LNPEP: variants seen among roughly 807,000 people sequenced by gnomAD.
LNPEP encodes the protein leucyl-cystinyl aminopeptidase.
In LNPEP, 64 loss-of-function variants were observed where a neutral mutation model predicts 120.6. The observed-to-expected ratio is 0.53, with a 90% CI of 0.43 to 0.65. The LOEUF is 0.65. Among genes scored for constraint, LNPEP ranks in the 30% least tolerant of loss-of-function variants. The pLI is 0.00. For missense variants in LNPEP, 1,057 were observed against 1,200.0 expected, an observed-to-expected ratio of 0.88 and a Z score of 1.76; for synonymous variants, 435 against 425.4, an observed-to-expected ratio of 1.02 and a Z score of -0.28.
Position 97,026,332 on chromosome 5 carries a change from T to G in LNPEP, c.2724-285T>G, listed in dbSNP as rs1017401735. Among the ~76,000 whole-genome samples the G allele has an allele frequency of 8.5e-5, 13 of 152,200 alleles. 1 individual carries two copies. The highest frequency in any genetic ancestry group is 7.9e-4 in the Admixed American group (12 of 15,286). On this transcript the variant is annotated intron_variant, in intron 15 of 17. Transcript: ENST00000231368. The stretch of plus-strand genomic sequence containing the variant: ...AGAAAAAAATACCCACCTCCCGAAT[T>G]GTAATAAATTCTACCAGAACTTATT...
Position 97,003,449 on chromosome 5 carries a change from T to C in LNPEP, c.1688T>C (p.Leu563Pro). ...CTCTTGTTGATGTTGAAAACTTACC[T>C]TAGTGAAGATGTGTTTCAACATGCT... ...SSLLLMLKTY[L>P]SEDVFQHAVV... The change falls in exon 9 of 18, where the codon CTT becomes CCT. Residue 563 changes from leucine to proline, a missense_variant. Physicochemically the swap from Leu to Pro is moderately conservative, Grantham distance 98. Coordinates refer to ENST00000231368, the MANE Select transcript of LNPEP (RefSeq NM_005575.3). 1 of 1,592,318 alleles carries C rather than the reference T, an allele frequency of 6.3e-7. No individual in the cohort carries two copies. The highest frequency in any genetic ancestry group is 8.6e-7 in the Non-Finnish European group (1 of 1,165,398).
intron 15 of LNPEP, among the ~76,000 whole-genome samples, chr5:97,025,336 T>A (rs1316674175): frequency 2.0e-5 from 3 of 152,244 alleles, no homozygotes; most frequent in African/African-American, 7.2e-5. Context: ...TGTATGATTT[T>A]GCTCAGATAA....
At chr5:97,006,963 C>T (rs1023082021) in intron 11 of LNPEP, among the ~76,000 whole-genome samples, 3 of 151,916 alleles carry the variant, frequency 2.0e-5, no homozygotes, top group Non-Finnish European at 4.4e-5. Flanking sequence ...GCCCTGCAGA[C>T]ATAGTATATG....
intron 1 of LNPEP, among the ~76,000 whole-genome samples, chr5:96,953,000 T>C (rs942033672): frequency 6.6e-6 from 1 of 152,226 alleles, no homozygotes. Context: ...TCTAGACCTT[T>C]AAGAGGACTA....
At chr5:96,997,102 A>G (rs1790532924) in intron 7 of LNPEP, among the ~76,000 whole-genome samples, 2 of 152,072 alleles carry the variant, frequency 1.3e-5, no homozygotes, top group South Asian at 2.1e-4. Context: ...CTCTTGGGAA[A>G]TATTTCCAGT....
intron 9 of LNPEP, among the ~76,000 whole-genome samples, chr5:97,004,754 C>A (rs774430060): frequency 1.4e-4 from 21 of 152,144 alleles, no homozygotes; most frequent in Non-Finnish European, 2.2e-4. Flanking sequence ...TATACCTTCC[C>A]TACTCTCTGA....
chr5:96,957,744 C>T (rs1244746951), intron 1 of LNPEP, among the ~76,000 whole-genome samples: 1 of 152,118 alleles, frequency 6.6e-6, no homozygotes, highest in Non-Finnish European at 1.5e-5. Flanking sequence ...GATTTTAGCC[C>T]AGTGAGACCC....
Position 97,014,898 on chromosome 5 carries a change from T to C in LNPEP, c.2220-41T>C, listed in dbSNP as rs758689070. ...TTAGCATGCATAGACTTCTTCTGTG[T>C]GTCTCTGCATATTTACTTTTCCTGT... On this transcript the variant is annotated intron_variant, in intron 12 of 17. Transcript: ENST00000231368. 3.6e-6 allele frequency: 5 copies of C among 1,388,626 alleles called. No homozygotes were observed. In the African/African-American group the frequency reaches 4.4e-5, roughly 12 times the overall value. 86.0% of individuals were successfully genotyped at this position (1,388,626 alleles called of 1,614,324 possible).
intron 1 of LNPEP, among the ~76,000 whole-genome samples, chr5:96,959,933 CTTTTTTTTTTTT>C (rs11316262): frequency 8.8e-6 from 1 of 113,202 alleles, no homozygotes; most frequent in Admixed American, 9.5e-5. Flanking sequence ...TAAAATTTAT[CTTTTTTTTTTTT>C]TTTTTTTTTT....
At chr5:96,959,344 A>G (rs1210484045) in intron 1 of LNPEP, among the ~76,000 whole-genome samples, 2 of 152,182 alleles carry the variant, frequency 1.3e-5, no homozygotes, top group East Asian at 1.9e-4. Context: ...ACGTCCCAGA[A>G]TAGTTTCTGT....
chr5:96,961,770 A>G (rs977009494), intron 1 of LNPEP, among the ~76,000 whole-genome samples: 1 of 152,180 alleles, frequency 6.6e-6, no homozygotes, highest in Non-Finnish European at 1.5e-5. Flanking sequence ...CAATGTAAAT[A>G]CTATGTAAAT....
chr5:96,973,935 T>C (rs1045172186), intron 1 of LNPEP, among the ~76,000 whole-genome samples: 1 of 152,156 alleles, frequency 6.6e-6, no homozygotes, highest in Non-Finnish European at 1.5e-5. Context: ...CGGTAGCCTC[T>C]ATGCACTGTA....
chr5:96,946,743 G>A (rs1789193876), intron 1 of LNPEP, among the ~76,000 whole-genome samples: 1 of 152,148 alleles, frequency 6.6e-6, no homozygotes. Context: ...GAAGACTGTC[G>A]TATACCTGGT....
Position 96,964,769 on chromosome 5 carries a change from G to A in LNPEP, c.20-14369G>A, listed in dbSNP as rs534380460. 1.4e-4 allele frequency among the ~76,000 whole-genome samples: 22 copies of A among 152,240 alleles called. No homozygotes were observed. In the South Asian group the frequency reaches 4.3e-3, roughly 30 times the overall value. ...TTCTCTGGTTTAAACTTATTAGTGA[G>A]TATAATGTTGCAGAGCTGAATTCAT... On this transcript the variant is annotated intron_variant, in intron 1 of 17. Coordinates refer to ENST00000231368, the MANE Select transcript of LNPEP (RefSeq NM_005575.3).
intron 4 of LNPEP, among the ~76,000 whole-genome samples, chr5:96,987,523 TATC>T (rs1179155076): frequency 6.6e-6 from 1 of 152,216 alleles, no homozygotes; most frequent in Non-Finnish European, 1.5e-5. Flanking sequence ...ACTTGGATCT[TATC>T]ATTTTGCTAC....
intron 1 of LNPEP, among the ~76,000 whole-genome samples, chr5:96,970,922 A>G (rs936892804): frequency 4.6e-5 from 7 of 151,934 alleles, no homozygotes; most frequent in Admixed American, 4.6e-4. Context: ...AAGAATGTAC[A>G]CCTTTTATTT....
chr5:97,031,060 G>A lies in LNPEP; in HGVS notation c.*2527G>A, dbSNP rs1791459630. ...TTCTGAGAACTCAGACTGAAGCACA[G>A]AAGTCACAGTATGCTTCTTTTATTT... On this transcript the variant is annotated 3_prime_UTR_variant, in exon 18 of 18. Coordinates refer to ENST00000231368, the MANE Select transcript of LNPEP (RefSeq NM_005575.3). 6.6e-6 allele frequency: 1 copy of A among 151,228 alleles called. No homozygotes were observed. The highest frequency in any genetic ancestry group is 1.5e-5 in the Non-Finnish European group (1 of 67,552). The allele number at this position is 151,228 out of a possible 1,614,324, so 9.4% of individuals were successfully genotyped here.
intron 1 of LNPEP, among the ~76,000 whole-genome samples, chr5:96,957,767 T>C (rs1431617292): frequency 1.3e-5 from 2 of 152,228 alleles, no homozygotes; most frequent in Non-Finnish European, 2.9e-5. Context: ...TGTAGACTTC[T>C]GACCTCCAGA....
At chr5:96,944,599 C>T (rs1253784330) in intron 1 of LNPEP, among the ~76,000 whole-genome samples, 2 of 95,168 alleles carry the variant, frequency 2.1e-5, no homozygotes, top group African/African-American at 4.2e-5. Flanking sequence ...GACAGAGTCT[C>T]ATTCTGTCAC....
Sources: allele counts gnomAD v4.1 joint callset (sites outside exome capture counted in the v4.1 genomes callset), GRCh38; gene constraint gnomAD v4.1.1; transcripts MANE v1.5; gene names NCBI Gene and HGNC (gene_info 2026-07-23, HGNC 2026-07-21).